DIXDC1: variants seen among roughly 807,000 people sequenced by gnomAD.
DIXDC1 encodes the protein DIX domain containing 1, also known as dixin.
DIXDC1 carries 64 observed loss-of-function variants against 103.1 expected under a neutral mutation model. The ratio of observed to expected loss-of-function variants is 0.62; its 90% confidence interval spans 0.51 to 0.76. The LOEUF is 0.76. DIXDC1 is among the 30% of genes least tolerant of loss of function. The pLI is 0.00. For synonymous variants in DIXDC1, 266 were observed against 298.5 expected, an observed-to-expected ratio of 0.89 and a Z score of 1.12; for missense variants, 759 against 834.2, an observed-to-expected ratio of 0.91 and a Z score of 1.11.
Position 111,977,216 on chromosome 11 carries a change from T to G in DIXDC1, c.656+2233T>G. On this transcript the variant is annotated intron_variant, in intron 5 of 19. Transcript: ENST00000440460. The surrounding 1 kb of genome is among the most constrained non-coding windows in gnomAD (Gnocchi z 6.1). ...CACCCTCAACCTCCGTCCAGAGCGGTCGGTTGGCCAGCGGAGCTGGCTTGG... is the reference window on the plus strand; with the variant it reads ...CACCCTCAACCTCCGTCCAGAGCGGGCGGTTGGCCAGCGGAGCTGGCTTGG... 13 of 854,584 alleles carry G rather than the reference T, an allele frequency of 1.5e-5. No individual in the cohort carries two copies. Among genetic ancestry groups the G allele is most frequent in the African/African-American group, 5.6e-5 (3 of 53,582 alleles). 52.9% of individuals were successfully genotyped at this position (854,584 alleles called of 1,614,324 possible).
chr11:111,993,458 G>C, intron 12 of DIXDC1, 38 bp from the exon 13 acceptor site: 1 of 1,611,570 alleles, frequency 6.2e-7, no homozygotes, highest in South Asian at 1.1e-5. Flanking sequence ...AGTGTCCCTG[G>C]TTTTGCCGCT....
At chr11:111,931,513 G>A (rs149116128) in intron 2 of DIXDC1, among the ~76,000 whole-genome samples, 1,623 of 152,062 alleles carry the variant, frequency 0.011, 23 homozygotes, top group African/African-American at 0.037. Flanking sequence ...CGTGGTGGCG[G>A]ACGCCTGTAA....
intron 1 of DIXDC1, among the ~76,000 whole-genome samples, chr11:111,963,059 C>G (rs1030929132): frequency 6.6e-6 from 1 of 152,216 alleles, no homozygotes; most frequent in African/African-American, 2.4e-5. Flanking sequence ...ACCATGTCTG[C>G]TATGTCCTAG....
intron 1 of DIXDC1, among the ~76,000 whole-genome samples, chr11:111,960,976 G>A (rs1160125763): frequency 6.6e-6 from 1 of 152,226 alleles, no homozygotes; most frequent in Non-Finnish European, 1.5e-5. Context: ...GTCTGCTTAT[G>A]AAAAACTTCC....
At chr11:112,014,600 G>A (rs782086363) in intron 17 of DIXDC1, among the ~76,000 whole-genome samples, 26 of 152,272 alleles carry the variant, frequency 1.7e-4, no homozygotes, top group Non-Finnish European at 2.6e-4. Flanking sequence ...AATACAGCTT[G>A]TAGAAATCTG....
chr11:112,016,330 C>T lies in DIXDC1; in HGVS notation c.1757-361C>T, dbSNP rs587714032. Among the ~76,000 whole-genome samples, 32 of 152,212 alleles carry T rather than the reference C, an allele frequency of 2.1e-4. No individual in the cohort carries two copies. The South Asian group carries it at 6.6e-3, about 32-fold the overall frequency. On this transcript the variant is annotated intron_variant, in intron 17 of 19. Transcript: ENST00000440460. ...CATGAGTATTCTCTACTACGGACCT[C>T]CAAAACCTAAATATTGGCAGAGTCT... is the stretch of plus-strand genomic sequence containing the variant.
At position 111,977,845 on chromosome 11, in the gene DIXDC1, G is replaced by T; in HGVS notation, c.656+2862G>T. ...GAAGTGGGGGGCCTGGGTGGGAACA[G>T]GGGCAGGGCTGGAGGATGCTGTTGG... On this transcript the variant is annotated intron_variant, in intron 5 of 19. Transcript: ENST00000440460. This position sits in a 1 kb window ranked among gnomAD's most constrained non-coding sequence, Gnocchi z 6.1. 6.5e-7 allele frequency: 1 copy of T among 1,527,896 alleles called. No individual in the cohort carries two copies. Among genetic ancestry groups the T allele is most frequent in the East Asian group, 2.6e-5 (1 of 38,730 alleles). The allele number at this position is 1,527,896 out of a possible 1,614,324, so 94.6% of individuals were successfully genotyped here.
intron 17 of DIXDC1, among the ~76,000 whole-genome samples, chr11:112,014,494 G>A (rs1219299167): frequency 4.6e-5 from 7 of 152,020 alleles, no homozygotes; most frequent in Non-Finnish European, 7.4e-5. Context: ...TTAGTATCTC[G>A]TGATTTTTAA....
At chr11:111,978,350 T>C (rs1485607350) in intron 5 of DIXDC1, among the ~76,000 whole-genome samples, 1 of 152,176 alleles carries the variant, frequency 6.6e-6, no homozygotes, top group Non-Finnish European at 1.5e-5. Context: ...ATAATGCATA[T>C]TCCTTGTCCA....
In DIXDC1 at chr11:111,960,518, C is replaced by T. The variant is rs1006372493; in HGVS notation, c.61-4031C>T. On this transcript the variant is annotated intron_variant, in intron 1 of 19. Coordinates refer to ENST00000440460, the MANE Select transcript of DIXDC1 (RefSeq NM_001037954.4). ...CTGAGGCAGGAGAATTGCTTGAACCCGGGAGGCGGAGGTTGCAGTGAGCCG... is the reference window on the plus strand; with the variant it reads ...CTGAGGCAGGAGAATTGCTTGAACCTGGGAGGCGGAGGTTGCAGTGAGCCG... 4.0e-5 allele frequency among the ~76,000 whole-genome samples: 6 copies of T among 150,928 alleles called. No homozygotes were observed. The South Asian group carries it at 1.1e-3, about 27-fold the overall frequency.
chr11:111,950,946 T>C (rs587673900), intron 1 of DIXDC1, among the ~76,000 whole-genome samples: 1 of 152,342 alleles, frequency 6.6e-6, no homozygotes, highest in South Asian at 2.1e-4. Context: ...GTCACCCTTC[T>C]GTGGAATAGC....
chr11:112,001,099 G>T (rs1861051977), intron 17 of DIXDC1, among the ~76,000 whole-genome samples: 1 of 152,192 alleles, frequency 6.6e-6, no homozygotes, highest in South Asian at 2.1e-4. Context: ...GCATACAGTG[G>T]AATATTATTC....
chr11:111,975,757 T>C, intron 5 of DIXDC1: 1 of 985,460 alleles, frequency 1.0e-6, no homozygotes, highest in Non-Finnish European at 1.2e-6. Context: ...TAATTGTTCC[T>C]TGTCTTGTAT....
At chr11:111,962,835 A>T (rs1859625193) in intron 1 of DIXDC1, among the ~76,000 whole-genome samples, 1 of 152,118 alleles carries the variant, frequency 6.6e-6, no homozygotes, top group Non-Finnish European at 1.5e-5. Context: ...TTTCCCTCAG[A>T]CCAGAGTGGT....
intron 17 of DIXDC1, among the ~76,000 whole-genome samples, chr11:111,999,669 A>G (rs1419827776): frequency 6.6e-6 from 1 of 152,088 alleles, no homozygotes; most frequent in African/African-American, 2.4e-5. Flanking sequence ...GTTTGAGACC[A>G]GCCTGGCCAA....
At chr11:111,929,375 T>C (rs1965940621) in intron 1 of DIXDC1, among the ~76,000 whole-genome samples, 1 of 152,058 alleles carries the variant, frequency 6.6e-6, no homozygotes, top group South Asian at 2.1e-4. Flanking sequence ...TAGGGGAGTA[T>C]TACTCTTCAC....
In DIXDC1 at chr11:111,992,262, C is replaced by A. The variant is rs138470023; in HGVS notation, c.1114-153C>A. Among the ~76,000 whole-genome samples the A allele has an allele frequency of 4.4e-4, 67 of 152,266 alleles. 1 individual carries two copies. Among genetic ancestry groups the A allele is most frequent in the African/African-American group, 1.6e-3 (67 of 41,548 alleles). On this transcript the variant is annotated intron_variant, in intron 10 of 19. Coordinates refer to ENST00000440460, the MANE Select transcript of DIXDC1 (RefSeq NM_001037954.4). Reference sequence around the variant, plus strand: ...CCTAGAGGGGGACAGAAAAACCCCTCCTCAGCAACTCGTGGCAAGACCCTT... The same window carrying A: ...CCTAGAGGGGGACAGAAAAACCCCTACTCAGCAACTCGTGGCAAGACCCTT...
At chr11:111,945,904 A>ATT (rs1966574594) in intron 1 of DIXDC1, 1 of 149,312 alleles carries the variant, frequency 6.7e-6, no homozygotes, top group Non-Finnish European at 1.5e-5. Flanking sequence ...AAGTAGCTGG[A>ATT]ATTACAGGCA....
chr11:111,980,408 G>A (rs1860258308), intron 5 of DIXDC1, among the ~76,000 whole-genome samples: 1 of 152,186 alleles, frequency 6.6e-6, no homozygotes, highest in Admixed American at 6.5e-5. Context: ...GTGGTGGGAG[G>A]TAAAACAAAG....
Sources: allele counts gnomAD v4.1 joint callset (sites outside exome capture counted in the v4.1 genomes callset), GRCh38; gene constraint gnomAD v4.1.1; non-coding constraint Gnocchi (gnomAD v3.1); transcripts MANE v1.5; gene names NCBI Gene and HGNC (gene_info 2026-07-23, HGNC 2026-07-21).